The following EDA variants were observed in gnomAD, a reference collection of about 807,000 sequenced individuals.
EDA encodes the protein ectodysplasin-A.
In EDA, 2 loss-of-function variants were observed where a neutral mutation model predicts 23.6. That is an observed-to-expected ratio of 0.08 (90% CI 0.03 to 0.27). EDA has a LOEUF of 0.27. EDA is among the 10% of genes least tolerant of loss of function. The pLI is 1.00. For missense variants in EDA, 229 were observed against 324.2 expected (o/e 0.71, Z 2.26); for synonymous variants, 131 against 132.0 (o/e 0.99, Z 0.05).
At chrX:69,886,712 G>A (rs1431365539) in intron 1 of EDA, among the ~76,000 whole-genome samples, 1 of 111,117 alleles carries the variant, frequency 9.0e-6, no homozygotes, top group African/African-American at 3.3e-5. Context: ...CCAGGGACCA[G>A]ACAGGATCCA....
intron 1 of EDA, among the ~76,000 whole-genome samples, chrX:69,683,455 T>G (rs781358157): frequency 4.4e-4 from 49 of 111,973 alleles, no homozygotes; most frequent in African/African-American, 1.2e-3. Flanking sequence ...CAAGGCTTAT[T>G]ATGAATGCCA....
At chrX:69,780,262 G>C (rs2014904673) in intron 1 of EDA, among the ~76,000 whole-genome samples, 1 of 111,281 alleles carries the variant, frequency 9.0e-6, no homozygotes. Context: ...ATCTCCAAGA[G>C]TACTTACACC....
chrX:69,856,706 C>T (rs1020936987), intron 1 of EDA, among the ~76,000 whole-genome samples: 18 of 76,685 alleles, frequency 2.3e-4, no homozygotes, highest in Admixed American at 1.3e-3. Context: ...CTTTTTGATG[C>T]GATTATTTTT....
chrX:69,764,616 CA>C (rs1210870551), intron 1 of EDA, among the ~76,000 whole-genome samples: 1 of 111,114 alleles, frequency 9.0e-6, no homozygotes, highest in Non-Finnish European at 1.9e-5. Context: ...AGAAAGACAA[CA>C]AGGAAAACTG....
At chrX:69,796,330 A>G (rs2015544979) in intron 1 of EDA, among the ~76,000 whole-genome samples, 2 of 111,735 alleles carry the variant, frequency 1.8e-5, no homozygotes, top group South Asian at 3.9e-4. Flanking sequence ...AAGAATAGAA[A>G]TGCTCTGCTT....
chrX:69,921,118 C>T (rs1242717364), intron 1 of EDA, among the ~76,000 whole-genome samples: 1 of 111,034 alleles, frequency 9.0e-6, no homozygotes, highest in African/African-American at 3.3e-5. Context: ...TTGATGTACC[C>T]TCATGCATGT....
intron 1 of EDA, among the ~76,000 whole-genome samples, chrX:69,770,030 A>AT (rs2014583587): frequency 9.0e-6 from 1 of 111,718 alleles, no homozygotes; most frequent in African/African-American, 3.3e-5. Context: ...TCCTTTTGAG[A>AT]TTCGCCGTTT....
At chrX:70,003,824 T>C (rs147064507) in intron 2 of EDA, among the ~76,000 whole-genome samples, 2,882 of 112,059 alleles carry the variant, frequency 0.026, 38 homozygotes, top group Non-Finnish European at 0.042. Flanking sequence ...TCCTTAACCA[T>C]GTGTTTCCCA....
At chrX:69,711,266 T>G (rs77921987) in intron 1 of EDA, among the ~76,000 whole-genome samples, 36,860 of 110,352 alleles carry the variant, frequency 0.33, 5,200 homozygotes, top group Middle Eastern at 0.57. Context: ...GGTTTTTGTC[T>G]TTGGTTCTGT....
At chrX:69,871,888 G>T (rs1259134918) in intron 1 of EDA, among the ~76,000 whole-genome samples, 2 of 112,052 alleles carry the variant, frequency 1.8e-5, no homozygotes, top group African/African-American at 6.5e-5. Context: ...AATACAAGAA[G>T]CTCAAAGAAC....
intron 5 of EDA, 148 bp from the exon 6 acceptor site, chrX:70,030,321 T>C: frequency 1.9e-6 from 1 of 535,072 alleles, no homozygotes. Context: ...CTAGTAGAAA[T>C]GTAGTCAGTA....
chrX:70,016,995 T>C lies in EDA; in HGVS notation c.503-6223T>C, dbSNP rs1481105839. Among the ~76,000 whole-genome samples, 3 of 106,982 alleles carry C rather than the reference T, an allele frequency of 2.8e-5. No individual in the cohort carries two copies. The Admixed American group carries it at 3.0e-4, about 11-fold the overall frequency. 92.9% of individuals were successfully genotyped at this position (106,982 alleles called of 115,157 possible). ...AAGAAAAAAAGAGAGAAGATCAAAA[T>C]AAACACAGTCAGAAATGACAAAAGG... is the stretch of plus-strand genomic sequence containing the variant. On this transcript the variant is annotated intron_variant, in intron 2 of 7. Coordinates refer to ENST00000374552, the MANE Select transcript of EDA (RefSeq NM_001399.5).
chrX:69,713,323 A>G (rs2012166946), intron 1 of EDA, among the ~76,000 whole-genome samples: 1 of 112,019 alleles, frequency 8.9e-6, no homozygotes, highest in Non-Finnish European at 1.9e-5. Flanking sequence ...CTATAGTATA[A>G]TATCATGACC....
chrX:69,886,184 A>G (rs149264065), intron 1 of EDA, among the ~76,000 whole-genome samples: 3,699 of 111,893 alleles, frequency 0.033, 65 homozygotes, highest in Non-Finnish European at 0.051. Flanking sequence ...CCTAGTTCCC[A>G]TAGTAGATCA....
chrX:69,650,009 T>C (rs1933052449), intron 1 of EDA, among the ~76,000 whole-genome samples: 1 of 112,229 alleles, frequency 8.9e-6, no homozygotes, highest in African/African-American at 3.2e-5. Flanking sequence ...TGATTTATTA[T>C]ACTATTTGTG....
At chrX:69,828,709 G>A (rs771702520) in intron 1 of EDA, among the ~76,000 whole-genome samples, 2 of 112,144 alleles carry the variant, frequency 1.8e-5, no homozygotes, top group African/African-American at 3.2e-5. Context: ...TTCCTATTCG[G>A]CCATCTTGGC....
intron 1 of EDA, among the ~76,000 whole-genome samples, chrX:69,784,766 G>A (rs1182583020): frequency 1.0e-3 from 108 of 105,042 alleles, no homozygotes; most frequent in African/African-American, 3.7e-3. Flanking sequence ...GATTGACTTG[G>A]CAATGCGGGC....
At chrX:69,684,466 T>G (rs2147289291) in intron 1 of EDA, among the ~76,000 whole-genome samples, 1 of 112,082 alleles carries the variant, frequency 8.9e-6, no homozygotes, top group South Asian at 3.7e-4. Flanking sequence ...TATGTTCTAT[T>G]TGTGAAGATA....
intron 1 of EDA, among the ~76,000 whole-genome samples, chrX:69,725,588 T>G (rs190275254): frequency 1.3e-3 from 142 of 112,478 alleles, no homozygotes; most frequent in African/African-American, 4.4e-3. Context: ...CATTTCACTG[T>G]AAGTTTCTTA....
Sources: gnomAD v4.1 joint callset for allele counts (sites outside exome capture counted in the v4.1 genomes callset) on GRCh38, gnomAD v4.1.1 for gene constraint, MANE v1.5 for transcripts, NCBI Gene and HGNC (gene_info 2026-07-23, HGNC 2026-07-21) for gene names.